Variants in PALS2 observed in about 807,000 individuals in gnomAD.
PALS2 encodes the protein protein PALS2.
Under a neutral mutation model 61.6 loss-of-function variants are expected in PALS2, and 27 were observed. That is an observed-to-expected ratio of 0.44 (90% confidence interval 0.32 to 0.60). The LOEUF (loss-of-function observed/expected upper bound fraction) is 0.60. Among genes scored for constraint, PALS2 ranks in the 20% least tolerant of loss-of-function variants. The pLI, the probability that PALS2 is intolerant of heterozygous loss-of-function variation, is 0.05. For synonymous variants in PALS2, 236 were observed against 218.6 expected (o/e 1.08, Z -0.70); for missense variants, 554 against 639.4 (o/e 0.87, Z 1.44).
In PALS2 at chr7:24,681,582, AAC is replaced by A. The variant is rs1005770442; in HGVS notation, c.1446+1066_1446+1067del. Among the ~76,000 whole-genome samples the A allele has an allele frequency of 2.4e-4, 36 of 150,960 alleles. 1 individual carries two copies. The highest frequency in any genetic ancestry group is 8.8e-4 in the African/African-American group (36 of 40,918). On this transcript the variant is annotated intron_variant, in intron 11 of 11. Coordinates refer to ENST00000222644, the MANE Select transcript of PALS2 (RefSeq NM_001303037.2). The stretch of plus-strand genomic sequence containing the variant: ...TTCAAATAAGGATTCAAACAAGATC[AAC>A]ACATTGAATTTACTCATTGTCACCT...
chr7:24,584,614 C>T (rs1782985303), intron 1 of PALS2, among the ~76,000 whole-genome samples: 1 of 151,424 alleles, frequency 6.6e-6, no homozygotes, highest in African/African-American at 2.4e-5. Flanking sequence ...TTGTAGGTTG[C>T]CTGTTCACTC....
chr7:24,668,481 A>G lies in PALS2; in HGVS notation c.953-18A>G, dbSNP rs543416225. On this transcript the variant is annotated intron_variant, in intron 8 of 11. Transcript: ENST00000222644. ...ATATAAAAGTTGACTTTGTATTCCCATTTCCTTTTTCATTTAGAATTTGAT... is the reference window on the plus strand; with the variant it reads ...ATATAAAAGTTGACTTTGTATTCCCGTTTCCTTTTTCATTTAGAATTTGAT... 7.0e-4 allele frequency: 1,127 copies of G among 1,604,840 alleles called. 15 individuals carry two copies. The South Asian group carries it at 0.012, about 17-fold the overall frequency.
chr7:24,592,151 T>C (rs971043153), intron 1 of PALS2, among the ~76,000 whole-genome samples: 3 of 152,072 alleles, frequency 2.0e-5, no homozygotes, highest in Non-Finnish European at 4.4e-5. Flanking sequence ...CCACAAAAGC[T>C]CTGTAAGTAT....
At chr7:24,647,997 T>C (rs979365922) in intron 3 of PALS2, among the ~76,000 whole-genome samples, 1 of 152,124 alleles carries the variant, frequency 6.6e-6, no homozygotes, top group Non-Finnish European at 1.5e-5. Flanking sequence ...CAAAGGAGGA[T>C]ATAGGGTGGA....
At chr7:24,636,580 A>G (rs532308599) in intron 2 of PALS2, among the ~76,000 whole-genome samples, 1 of 152,330 alleles carries the variant, frequency 6.6e-6, no homozygotes, top group Admixed American at 6.5e-5. Context: ...GGATATGGTA[A>G]TTACCCCATT....
In PALS2 at chr7:24,680,378, A is replaced by T. The variant is rs995437124; in HGVS notation, c.1318-14A>T. Reference sequence around the variant, plus strand: ...ATATTGTATAAATTGGCTTATAATTATTCTTTTACACAGGCACTGAAAGTA... The same window carrying T: ...ATATTGTATAAATTGGCTTATAATTTTTCTTTTACACAGGCACTGAAAGTA... On this transcript the variant is annotated splice_polypyrimidine_tract_variant and intron_variant, in intron 10 of 11. Coordinates refer to ENST00000222644, the MANE Select transcript of PALS2 (RefSeq NM_001303037.2). 6.8e-6 allele frequency: 11 copies of T among 1,607,080 alleles called. No individual in the cohort carries two copies. The highest frequency in any genetic ancestry group is 6.7e-5 in the African/African-American group (5 of 74,712).
intron 1 of PALS2, 46 bp from the exon 2 acceptor site, chr7:24,623,620 T>G: frequency 8.3e-7 from 1 of 1,209,778 alleles, no homozygotes; most frequent in Non-Finnish European, 1.2e-6. Context: ...AGGGTTTTTG[T>G]TTGTTTGTTT....
chr7:24,577,873 T>C (rs1256964525), intron 1 of PALS2, among the ~76,000 whole-genome samples: 1 of 152,200 alleles, frequency 6.6e-6, no homozygotes, highest in Non-Finnish European at 1.5e-5. Flanking sequence ...AAATTATGTT[T>C]TTATATTATT....
In PALS2 at chr7:24,650,627, A is replaced by C. The variant is rs1435329347; in HGVS notation, c.566A>C (p.Glu189Ala). ...CATGAGGTTGGAAATAATCCAAAGG[A>C]ATTACAAGAATTACTGAAAAATATT... Reference protein sequence around the residue: ...NGHEVGNNPKELQELLKNISG... With the variant: ...NGHEVGNNPKALQELLKNISG... The change falls in exon 5 of 12, where the codon GAA becomes GCA. Residue 189 changes from glutamate to alanine, a missense_variant. Glu to Ala is a moderately radical substitution (Grantham distance 107). Transcript: ENST00000222644. 11 of 1,612,258 alleles carry C rather than the reference A, an allele frequency of 6.8e-6. No individual in the cohort carries two copies. The highest frequency in any genetic ancestry group is 9.3e-6 in the Non-Finnish European group (11 of 1,178,654).
Position 24,687,895 on chromosome 7 carries a change from G to T in PALS2, c.*281G>T. The T allele has an allele frequency of 4.2e-6, 1 of 236,252 alleles. No individual in the cohort carries two copies. The highest frequency in any genetic ancestry group is 8.0e-6 in the Non-Finnish European group (1 of 124,510). 14.6% of individuals were successfully genotyped at this position (236,252 alleles called of 1,614,324 possible). ...CGTTGAAGCATTTTGTATATGTTTT[G>T]ATTTAGTACCCTTGCCTTTTTCATC... On this transcript the variant is annotated 3_prime_UTR_variant, in exon 12 of 12. Coordinates refer to ENST00000222644, the MANE Select transcript of PALS2 (RefSeq NM_001303037.2). The surrounding 1 kb of genome is among the most constrained non-coding windows in gnomAD (Gnocchi z 4.5).
Position 24,667,889 on chromosome 7 carries a change from A to G in PALS2, c.953-610A>G, listed in dbSNP as rs1444863457. Among the ~76,000 whole-genome samples, 5 of 152,040 alleles carry G rather than the reference A, an allele frequency of 3.3e-5. No individual in the cohort carries two copies. In the South Asian group the frequency reaches 8.3e-4, roughly 25 times the overall value. ...CACCATGTTGGCCAGGATGGTCTCA[A>G]TCTCTTGACCTCGTGATTCGCCCAC... On this transcript the variant is annotated intron_variant, in intron 8 of 11. Transcript: ENST00000222644.
intron 3 of PALS2, among the ~76,000 whole-genome samples, chr7:24,642,361 C>A (rs1274503738): frequency 6.6e-6 from 1 of 151,964 alleles, no homozygotes; most frequent in East Asian, 1.9e-4. Flanking sequence ...ATGGCCTGTA[C>A]CAATGAAGAG....
chr7:24,651,789 A>C (rs1266953284), intron 5 of PALS2, among the ~76,000 whole-genome samples: 2 of 152,212 alleles, frequency 1.3e-5, no homozygotes, highest in Non-Finnish European at 2.9e-5. Flanking sequence ...CTGCCAGTGT[A>C]TCTTATTTCA....
chr7:24,679,351 CA>C lies in PALS2; in HGVS notation c.1317+21del. ...ACCCACAAGTAAGCTGCTTGGATTC[CA>C]AAGCTGTTTTATATTTTATTTTCTG... is the stretch of plus-strand genomic sequence containing the variant. On this transcript the variant is annotated intron_variant, in intron 10 of 11. Transcript: ENST00000222644. The C allele has an allele frequency of 2.5e-6, 4 of 1,610,558 alleles. No individual in the cohort carries two copies. The highest frequency in any genetic ancestry group is 3.4e-6 in the Non-Finnish European group (4 of 1,178,222).
chr7:24,679,036 C>G (rs182468188), intron 9 of PALS2, 95 bp from the exon 10 acceptor site: 14 of 1,043,726 alleles, frequency 1.3e-5, no homozygotes, highest in Non-Finnish European at 2.0e-5. Flanking sequence ...TTTGCTGCAC[C>G]CAGTGGAAAA....
chr7:24,633,096 T>TTA (rs1349944860), intron 2 of PALS2, among the ~76,000 whole-genome samples: 1 of 152,142 alleles, frequency 6.6e-6, no homozygotes, highest in Non-Finnish European at 1.5e-5. Context: ...AATAAAACTA[T>TTA]TATCTATTAA....
intron 1 of PALS2, among the ~76,000 whole-genome samples, chr7:24,611,611 T>C (rs1000267076): frequency 6.6e-6 from 1 of 151,962 alleles, no homozygotes; most frequent in African/African-American, 2.4e-5. Flanking sequence ...ACCAAAAAAT[T>C]TAATTATATA....
chr7:24,685,302 G>A (rs1788138230), intron 11 of PALS2, among the ~76,000 whole-genome samples: 1 of 152,058 alleles, frequency 6.6e-6, no homozygotes, highest in South Asian at 2.1e-4. Context: ...TTTAAGAATG[G>A]CTGTAATTTG....
rs773530329 is a variant in PALS2 at position 24,665,618 on chromosome 7, G to T, written c.814G>T (p.Gly272Cys). Residue 272 changes from glycine (G) to cysteine (C), a missense_variant, in exon 7 of 12, where the codon GGT becomes TGT. Physicochemically the swap from Gly to Cys is radical, Grantham distance 159. Transcript: ENST00000222644. ...CCATGTAAAAGAGGGAGGAAGCGCTGGTCTCATTCCAAGCCAGTTCCTGGA... is the reference window on the plus strand; with the variant it reads ...CCATGTAAAAGAGGGAGGAAGCGCTTGTCTCATTCCAAGCCAGTTCCTGGA... The part of the protein sequence containing the change: ...ASHVKEGGSA[G>C]LIPSQFLEEK... 6.2e-7 allele frequency: 1 copy of T among 1,613,682 alleles called. No homozygotes were observed. Among genetic ancestry groups the T allele is most frequent in the Non-Finnish European group, 8.5e-7 (1 of 1,179,694 alleles).
Sources: allele counts gnomAD v4.1 joint callset (sites outside exome capture counted in the v4.1 genomes callset), GRCh38; gene constraint gnomAD v4.1.1; non-coding constraint Gnocchi (gnomAD v3.1); transcripts MANE v1.5; gene names NCBI Gene and HGNC (gene_info 2026-07-23, HGNC 2026-07-21).